The following KAZN variants were observed in gnomAD, a reference collection of about 807,000 sequenced individuals.
The protein encoded by KAZN is kazrin.
In KAZN, 40 loss-of-function variants were observed where a neutral mutation model predicts 87.4. The ratio of observed to expected loss-of-function variants is 0.46; its 90% CI spans 0.36 to 0.60. The LOEUF (loss-of-function observed/expected upper bound fraction) is 0.60. Ranked by LOEUF, KAZN falls within the 20% of genes least tolerant of loss-of-function variation. KAZN has a pLI of 0.00. For synonymous variants in KAZN, 466 were observed against 458.3 expected (o/e 1.02, Z -0.22); for missense variants, 898 against 1,073.9 (o/e 0.84, Z 2.29).
chr1:14,977,643 C>T (rs957557889), intron 2 of KAZN, among the ~76,000 whole-genome samples: 2 of 152,248 alleles, frequency 1.3e-5, no homozygotes, highest in Non-Finnish European at 2.9e-5. Flanking sequence ...ACACTTTTTT[C>T]TTCCCTGTAG....
intron 2 of KAZN, among the ~76,000 whole-genome samples, chr1:14,491,256 C>T (rs2148408343): frequency 6.6e-6 from 1 of 152,260 alleles, no homozygotes; most frequent in African/African-American, 2.4e-5. Context: ...AGTTAATCCA[C>T]CTACTTTATT....
At chr1:14,183,382 C>A (rs1289236700) in intron 2 of KAZN, among the ~76,000 whole-genome samples, 1 of 152,132 alleles carries the variant, frequency 6.6e-6, no homozygotes, top group Non-Finnish European at 1.5e-5. Flanking sequence ...AGGTGTTCGT[C>A]CCCTAAACGT....
intron 2 of KAZN, among the ~76,000 whole-genome samples, chr1:14,343,343 A>G (rs558004471): frequency 6.6e-6 from 1 of 152,344 alleles, no homozygotes; most frequent in African/African-American, 2.4e-5. Flanking sequence ...TTTTCCTGCC[A>G]CACTCAAGCA....
rs1433934590 is a variant in KAZN at position 15,111,259 on chromosome 1, CTGTTGTTGTTGTT to C, written c.2049-1154_2049-1142del. ...GCAGCTTAAAAGATGCTAGAAGGTTCTGTTGTTGTTGTTTGTTGTTGTTGTTGTTGTTGTTGTT... is the reference window on the plus strand; with the variant it reads ...GCAGCTTAAAAGATGCTAGAAGGTTCTGTTGTTGTTGTTGTTGTTGTTGTT... On this transcript the variant is annotated intron_variant, in intron 13 of 14. Transcript: ENST00000376030. 5.3e-3 allele frequency among the ~76,000 whole-genome samples: 266 copies of C among 49,930 alleles called. 1 individual carries two copies. The highest frequency in any genetic ancestry group is 0.039 in the African/African-American group (243 of 6,240). The allele number at this position is 49,930 out of a possible 152,430, so 32.8% of individuals were successfully genotyped here.
intron 1 of KAZN, among the ~76,000 whole-genome samples, chr1:14,605,639 G>A (rs545128124): frequency 5.9e-5 from 9 of 152,132 alleles, no homozygotes; most frequent in East Asian, 1.9e-4. Context: ...AAGTGGAAGT[G>A]GATCATCATA....
intron 1 of KAZN, among the ~76,000 whole-genome samples, chr1:14,805,804 T>A (rs560687092): frequency 1.0e-4 from 13 of 126,012 alleles, no homozygotes; most frequent in South Asian, 1.0e-3. Flanking sequence ...ATAATAATAA[T>A]AAATTAAAAT....
Position 14,378,607 on chromosome 1 carries a change from T to C in KAZN, c.249+198015T>C, listed in dbSNP as rs150403333. The stretch of plus-strand genomic sequence containing the variant: ...GGGTGAGTGCAGCAATTATGAGACA[T>C]TGCATTGAACTCAGTGCTGCCCCGT... On this transcript the variant is annotated intron_variant, in intron 2 of 16. Transcript: ENST00000636203. 1.5e-3 allele frequency among the ~76,000 whole-genome samples: 227 copies of C among 152,268 alleles called. 1 individual carries two copies. The highest frequency in any genetic ancestry group is 5.3e-3 in the African/African-American group (221 of 41,542).
intron 1 of KAZN, among the ~76,000 whole-genome samples, chr1:14,772,266 T>G (rs534102031): frequency 2.0e-5 from 3 of 152,154 alleles, no homozygotes; most frequent in Non-Finnish European, 4.4e-5. Context: ...GAGGATCGCT[T>G]GAGCCCAGGA....
intron 2 of KAZN, among the ~76,000 whole-genome samples, chr1:14,307,427 G>C (rs1196588132): frequency 6.6e-6 from 1 of 152,138 alleles, no homozygotes; most frequent in African/African-American, 2.4e-5. Flanking sequence ...ACACTTCTAT[G>C]GTCCAGACAC....
intron 1 of KAZN, among the ~76,000 whole-genome samples, chr1:14,899,472 C>T (rs994702781): frequency 5.3e-5 from 8 of 152,030 alleles, no homozygotes; most frequent in African/African-American, 1.7e-4. Flanking sequence ...TTTCCAGATG[C>T]GAAATTTAGG....
chr1:14,193,096 G>C (rs1557550366), intron 2 of KAZN, among the ~76,000 whole-genome samples: 5 of 152,086 alleles, frequency 3.3e-5, no homozygotes, highest in Non-Finnish European at 7.4e-5. Context: ...GGTTTTATAA[G>C]GCGTTCTTCC....
chr1:14,010,562 C>A (rs1365209727), intron 1 of KAZN, among the ~76,000 whole-genome samples: 1 of 152,218 alleles, frequency 6.6e-6, no homozygotes, highest in Non-Finnish European at 1.5e-5. Context: ...AGCCTCTCCA[C>A]CATCTGCCCC....
chr1:14,752,461 G>A (rs1362653420), intron 1 of KAZN, among the ~76,000 whole-genome samples: 1 of 152,140 alleles, frequency 6.6e-6, no homozygotes. Flanking sequence ...TAGAAAACAT[G>A]GAAATTTATC....
intron 1 of KAZN, among the ~76,000 whole-genome samples, chr1:14,168,098 C>T (rs141396443): frequency 6.6e-6 from 1 of 152,270 alleles, no homozygotes; most frequent in Non-Finnish European, 1.5e-5. Flanking sequence ...GAGCCAAAGC[C>T]CATTTCCTTG....
intron 1 of KAZN, among the ~76,000 whole-genome samples, chr1:14,016,544 A>C (rs1364328607): frequency 1.3e-5 from 2 of 152,092 alleles, no homozygotes; most frequent in African/African-American, 4.8e-5. Flanking sequence ...GGGCATGTTT[A>C]TGAGATTGTA....
At chr1:14,418,953 G>A (rs933767795) in intron 2 of KAZN, among the ~76,000 whole-genome samples, 1 of 152,212 alleles carries the variant, frequency 6.6e-6, no homozygotes, top group East Asian at 1.9e-4. Context: ...CCCAGAAACT[G>A]TCCCCCTGTG....
At chr1:14,104,845 T>C (rs1316970694) in intron 1 of KAZN, among the ~76,000 whole-genome samples, 1 of 152,202 alleles carries the variant, frequency 6.6e-6, no homozygotes, top group East Asian at 1.9e-4. Context: ...ATTTCTACTA[T>C]TTATCTACAT....
intron 2 of KAZN, among the ~76,000 whole-genome samples, chr1:14,260,843 T>A (rs1650957003): frequency 6.6e-6 from 1 of 152,160 alleles, no homozygotes; most frequent in African/African-American, 2.4e-5. Context: ...AGCGGTTAAG[T>A]CGCCGTCACA....
intron 1 of KAZN, among the ~76,000 whole-genome samples, chr1:13,937,124 A>G (rs1640771811): frequency 6.8e-6 from 1 of 146,640 alleles, no homozygotes; most frequent in African/African-American, 2.5e-5. Context: ...TCAGCTCACC[A>G]TTACCTCTGC....
Sources: gnomAD v4.1 joint callset for allele counts (sites outside exome capture counted in the v4.1 genomes callset) on GRCh38, gnomAD v4.1.1 for gene constraint, MANE v1.5 for transcripts, NCBI Gene and HGNC (gene_info 2026-07-23, HGNC 2026-07-21) for gene names.